ETV7: variants seen among roughly 807,000 people sequenced by gnomAD.
The protein encoded by ETV7 is ETS variant transcription factor 7, also known as transcription factor ETV7.
ETV7 carries 43 observed loss-of-function variants against 39.1 expected under a neutral mutation model. That is an observed-to-expected ratio of 1.10 (90% CI 0.86 to 1.42). The LOEUF (loss-of-function observed/expected upper bound fraction) is 1.42. ETV7 is among the 40% of genes most tolerant of loss of function. ETV7 has a pLI of 0.00. For missense variants in ETV7, 432 were observed against 442.3 expected, an observed-to-expected ratio of 0.98 and a Z score of 0.21; for synonymous variants, 196 against 176.6, an observed-to-expected ratio of 1.11 and a Z score of -0.87.
At chr6:36,355,072 T>C (rs1036779950) in intron 7 of ETV7, among the ~76,000 whole-genome samples, 1 of 152,222 alleles carries the variant, frequency 6.6e-6, no homozygotes, top group African/African-American at 2.4e-5. Flanking sequence ...TCATGTTATC[T>C]ATGAACAGAG....
downstream of ETV7, among the ~76,000 whole-genome samples, chr6:36,364,692 G>A (rs1456271261): frequency 6.6e-6 from 1 of 152,216 alleles, no homozygotes; most frequent in African/African-American, 2.4e-5. Flanking sequence ...GTGCAGCGGT[G>A]GGATGAAGGG....
At chr6:36,358,627 G>C (rs1772399167) in intron 7 of ETV7, among the ~76,000 whole-genome samples, 1 of 152,146 alleles carries the variant, frequency 6.6e-6, no homozygotes, top group African/African-American at 2.4e-5. Context: ...GACCCTTGTG[G>C]GGGTGGTGGA....
chr6:36,385,903 C>T (rs79845073), intron 1 of ETV7, among the ~76,000 whole-genome samples: 76 of 152,296 alleles, frequency 5.0e-4, no homozygotes, highest in Middle Eastern at 6.8e-3. Context: ...ATGCATGTGC[C>T]TAACTCCAAG....
At chr6:36,383,020 T>C (rs1773727246) in intron 2 of ETV7, among the ~76,000 whole-genome samples, 1 of 152,030 alleles carries the variant, frequency 6.6e-6, no homozygotes, top group Non-Finnish European at 1.5e-5. Context: ...TGACCATCTC[T>C]GAACTGCCTC....
chr6:36,379,019 G>A lies in ETV7; in HGVS notation c.143-2984C>T, dbSNP rs1045640175. Among the ~76,000 whole-genome samples the A allele has an allele frequency of 6.3e-4, 96 of 152,342 alleles. 1 individual carries two copies. Among genetic ancestry groups the A allele is most frequent in the African/African-American group, 5.5e-4 (23 of 41,586 alleles). On this transcript the variant is annotated intron_variant, in intron 2 of 7. Transcript: ENST00000340181. ...CTGGTGAAGATAGGAATTTAGAGCCGCGATGGGAGATGAGTCTGGTGATAC... is the reference window on the plus strand; with the variant it reads ...CTGGTGAAGATAGGAATTTAGAGCCACGATGGGAGATGAGTCTGGTGATAC...
downstream of ETV7, among the ~76,000 whole-genome samples, chr6:36,365,127 T>C (rs1160985154): frequency 6.6e-6 from 1 of 152,168 alleles, no homozygotes; most frequent in East Asian, 1.9e-4. Flanking sequence ...GTTTCCTCCT[T>C]CTGAGAAAGA....
At position 36,376,043 on chromosome 6, in the gene ETV7, C is replaced by A. The variant is rs1479853780; in HGVS notation, c.143-8G>T. The A allele has an allele frequency of 6.3e-7, 1 of 1,594,188 alleles. No homozygotes were observed. The highest frequency in any genetic ancestry group is 8.5e-7 in the Non-Finnish European group (1 of 1,173,536). On this transcript the variant is annotated splice_polypyrimidine_tract_variant and splice_region_variant and intron_variant, in intron 2 of 7. Coordinates refer to ENST00000340181, the MANE Select transcript of ETV7 (RefSeq NM_016135.4). ...ACAGTGCGGGCTGGATGCCTGCAAC[C>A]AGCAAGGACCAGTCCCATCACTCCC...
chr6:36,377,151 C>T (rs886883400), intron 2 of ETV7, among the ~76,000 whole-genome samples: 1 of 152,134 alleles, frequency 6.6e-6, no homozygotes, highest in African/African-American at 2.4e-5. Flanking sequence ...GACACATTTG[C>T]CTTTGTGGGC....
In ETV7 at chr6:36,371,526, C is replaced by T. The variant is rs1293274720; in HGVS notation, c.468G>A (p.Arg156=). ...GGTCTGGTGGCTGCAGCAGGTGGCC[C>T]CTTCGGGTGTCCATCTGAGAGGGGC... is the stretch of plus-strand genomic sequence containing the variant. ...VTGPSQMDTR[R]GHLLQPPDPG... is the part of the protein sequence containing the mutation. Residue 156 remains arginine (R), a synonymous_variant, in exon 5 of 8, where the codon AGG becomes AGA. Coordinates refer to ENST00000340181, the MANE Select transcript of ETV7 (RefSeq NM_016135.4). 2 of 1,602,950 alleles carry T rather than the reference C, an allele frequency of 1.2e-6. No individual in the cohort carries two copies. The highest frequency in any genetic ancestry group is 1.7e-6 in the Non-Finnish European group (2 of 1,175,758).
downstream of ETV7, among the ~76,000 whole-genome samples, chr6:36,364,294 G>A (rs1408027733): frequency 3.3e-5 from 5 of 152,326 alleles, no homozygotes; most frequent in East Asian, 1.9e-4. Context: ...GGCGCTCGTC[G>A]GGGAGGCTCA....
intron 6 of ETV7, among the ~76,000 whole-genome samples, chr6:36,368,203 G>A (rs1029759710): frequency 3.9e-5 from 6 of 152,320 alleles, no homozygotes; most frequent in African/African-American, 1.4e-4. Flanking sequence ...CCTACTTCAC[G>A]AGCTTGGTAT....
At chr6:36,376,532 T>G (rs545405139) in intron 2 of ETV7, among the ~76,000 whole-genome samples, 1 of 152,086 alleles carries the variant, frequency 6.6e-6, no homozygotes, top group African/African-American at 2.4e-5. Context: ...AATCTCAGCA[T>G]TTTGGGAGGC....
chr6:36,373,815 C>A (rs574443166), intron 3 of ETV7, among the ~76,000 whole-genome samples: 1 of 152,248 alleles, frequency 6.6e-6, no homozygotes, highest in African/African-American at 2.4e-5. Flanking sequence ...TGCCGGTACA[C>A]GCAGCCGCCT....
At chr6:36,369,324 G>A (rs1404990072) in intron 5 of ETV7, among the ~76,000 whole-genome samples, 1 of 152,206 alleles carries the variant, frequency 6.6e-6, no homozygotes, top group Non-Finnish European at 1.5e-5. Context: ...GAGGTGCAGA[G>A]GTATCTAAAG....
chr6:36,385,913 G>C (rs1773876639), intron 1 of ETV7, among the ~76,000 whole-genome samples: 1 of 152,176 alleles, frequency 6.6e-6, no homozygotes, highest in Non-Finnish European at 1.5e-5. Context: ...CTAACTCCAA[G>C]AGGGATCCCC....
chr6:36,371,315 C>G lies in ETV7; in HGVS notation c.664+15G>C. 2 of 1,567,208 alleles carry G rather than the reference C, an allele frequency of 1.3e-6. No individual in the cohort carries two copies. Among genetic ancestry groups the G allele is most frequent in the Non-Finnish European group, 1.7e-6 (2 of 1,155,074 alleles). On this transcript the variant is annotated intron_variant, in intron 5 of 7. Transcript: ENST00000340181. ...AGTGCACCTTCCATGGCCAGAGGAA[C>G]AGCCTCCCACTCACCAGCGATCCTG...
intron 6 of ETV7, among the ~76,000 whole-genome samples, chr6:36,367,846 T>G (rs758778931): frequency 3.3e-5 from 5 of 152,052 alleles, no homozygotes; most frequent in Non-Finnish European, 7.4e-5. Context: ...AGCTACATAA[T>G]GAAAAGGAGA....
At chr6:36,372,520 C>T (rs769237060) in intron 4 of ETV7, among the ~76,000 whole-genome samples, 63 of 151,082 alleles carry the variant, frequency 4.2e-4, no homozygotes, top group Non-Finnish European at 7.2e-4. Flanking sequence ...GGACGTTCTC[C>T]AGAGGCAATG....
chr6:36,371,269 G>T (rs538044957), intron 5 of ETV7, 61 bp downstream of exon 5: 11 of 1,462,580 alleles, frequency 7.5e-6, no homozygotes, highest in East Asian at 2.5e-5. Context: ...CTCATCACTC[G>T]TGACTCTGAG....
Sources: gnomAD v4.1 joint callset for allele counts (sites outside exome capture counted in the v4.1 genomes callset) on GRCh38, gnomAD v4.1.1 for gene constraint, MANE v1.5 for transcripts, NCBI Gene and HGNC (gene_info 2026-07-23, HGNC 2026-07-21) for gene names.